The following ELFN1 variants were observed in gnomAD, a reference collection of about 807,000 sequenced individuals.
ELFN1 encodes protein ELFN1.
Under a neutral mutation model 7.6 loss-of-function variants are expected in ELFN1, and 6 were observed. The observed-to-expected ratio is 0.79, with a 90% CI of 0.43 to 1.56. The LOEUF (loss-of-function observed/expected upper bound fraction) is 1.56, where lower values mean the gene tolerates loss of function less well. Ranked by LOEUF, ELFN1 falls within the 40% of genes most tolerant of loss-of-function variation. The pLI, the probability that ELFN1 is intolerant of heterozygous loss-of-function variation, is 0.01. For missense variants in ELFN1, 1,169 were observed against 1,232.2 expected, an observed-to-expected ratio of 0.95 and a Z score of 0.77; for synonymous variants, 657 against 588.1, an observed-to-expected ratio of 1.12 and a Z score of -1.70.
chr7:1,683,517 G>C (rs1283610965), intron 1 of ELFN1, among the ~76,000 whole-genome samples: 1 of 152,132 alleles, frequency 6.6e-6, no homozygotes, highest in Non-Finnish European at 1.5e-5. Flanking sequence ...AACATTGTGT[G>C]GTCTTTTGGG....
At position 1,747,096 on chromosome 7, in the gene ELFN1, C is replaced by A; in HGVS notation, c.*13C>A. The A allele has an allele frequency of 2.7e-6, 4 of 1,459,648 alleles. No individual in the cohort carries two copies. Among genetic ancestry groups the A allele is most frequent in the Non-Finnish European group, 3.6e-6 (4 of 1,098,526 alleles). 90.4% of individuals were successfully genotyped at this position (1,459,648 alleles called of 1,614,324 possible). On this transcript the variant is annotated 3_prime_UTR_variant, in exon 4 of 4. Transcript: ENST00000424383. Reference sequence around the variant, plus strand: ...GCACAAGTCCTGAGCCCCCCAAGACCGGCGATGCCCACTGGACCAAAAAGG... The same window carrying A: ...GCACAAGTCCTGAGCCCCCCAAGACAGGCGATGCCCACTGGACCAAAAAGG...
At chr7:1,692,700 G>A (rs1366633210) in intron 2 of ELFN1, 1 of 153,330 alleles carries the variant, frequency 6.5e-6, no homozygotes, top group Admixed American at 6.5e-5. Flanking sequence ...GGAGATTTTT[G>A]AGGCCCTCCT....
At chr7:1,710,276 G>T (rs1779621923) in intron 3 of ELFN1, among the ~76,000 whole-genome samples, 1 of 152,188 alleles carries the variant, frequency 6.6e-6, no homozygotes, top group African/African-American at 2.4e-5. Context: ...TACATGGGGG[G>T]ACAGACAATC....
At chr7:1,743,154 C>T (rs1016503321) in intron 3 of ELFN1, among the ~76,000 whole-genome samples, 9 of 152,186 alleles carry the variant, frequency 5.9e-5, no homozygotes, top group Non-Finnish European at 8.8e-5. Flanking sequence ...CCTCCAGCCC[C>T]GTCTGCAGGG....
chr7:1,713,245 A>G (rs1298244356), intron 3 of ELFN1, among the ~76,000 whole-genome samples: 1 of 152,198 alleles, frequency 6.6e-6, no homozygotes. Flanking sequence ...GGTGGGAGAC[A>G]GTGCATAAAT....
chr7:1,709,681 G>A (rs765476786), intron 3 of ELFN1, among the ~76,000 whole-genome samples: 8 of 152,270 alleles, frequency 5.3e-5, no homozygotes, highest in East Asian at 1.9e-4. Flanking sequence ...CATAGGTCAC[G>A]TAGGTTAATA....
chr7:1,724,549 A>G (rs1562379130), intron 3 of ELFN1, among the ~76,000 whole-genome samples: 1 of 152,094 alleles, frequency 6.6e-6, no homozygotes, highest in African/African-American at 2.4e-5. Context: ...CAAACTCTCA[A>G]ATTTCGCCCA....
intron 1 of ELFN1, among the ~76,000 whole-genome samples, chr7:1,671,942 G>A (rs1308861244): frequency 1.3e-5 from 2 of 152,196 alleles, no homozygotes; most frequent in African/African-American, 2.4e-5. Flanking sequence ...GGCATACGGT[G>A]GTCAGGGAGT....
At chr7:1,666,361 C>T (rs1247863995), upstream of ELFN1, among the ~76,000 whole-genome samples, 1 of 151,958 alleles carries the variant, frequency 6.6e-6, no homozygotes, top group Non-Finnish European at 1.5e-5. The surrounding 1 kb of genome is among the most constrained non-coding windows in gnomAD (Gnocchi z 7.9). Flanking sequence ...GGTGCCCTGA[C>T]CTCGGCGTCC....
At chr7:1,675,924 C>T (rs1009677365) in intron 1 of ELFN1, among the ~76,000 whole-genome samples, 2 of 152,188 alleles carry the variant, frequency 1.3e-5, no homozygotes, top group African/African-American at 4.8e-5. Context: ...CACGGCCTCC[C>T]TAGAAGCCCA....
chr7:1,688,419 A>T (rs1779097601), intron 2 of ELFN1, among the ~76,000 whole-genome samples: 1 of 152,128 alleles, frequency 6.6e-6, no homozygotes, highest in Non-Finnish European at 1.5e-5. Context: ...AAGTTCTTGA[A>T]GATGCTCTTC....
At position 1,745,675 on chromosome 7, in the gene ELFN1, C is replaced by T; in HGVS notation, c.1079C>T (p.Thr360Ile). The change falls in exon 4 of 4, where the codon ACC (threonine) becomes ATC (isoleucine). Residue 360 changes from threonine (T) to isoleucine (I), a missense_variant. By Grantham distance (89) the Thr-to-Ile change is moderately conservative (BLOSUM62 -1). Around this residue, in one of 2 missense-constraint regions of ELFN1, gnomAD observed 914 missense variants for 872.6 expected, o/e 1.05. Transcript: ENST00000424383. ...NSKASTVSRL[T>I]KAQEEIRLTN... ...AAGGCCTCCACCGTGTCCAGGCTGA[C>T]CAAGGCCCAGGAGGAGATCCGTCTG... The T allele has an allele frequency of 6.4e-7, 1 of 1,551,448 alleles. No individual in the cohort carries two copies. Among genetic ancestry groups the T allele is most frequent in the Non-Finnish European group, 8.7e-7 (1 of 1,147,014 alleles).
At chr7:1,725,434 G>A (rs1780162205) in intron 3 of ELFN1, among the ~76,000 whole-genome samples, 1 of 151,916 alleles carries the variant, frequency 6.6e-6, no homozygotes. Flanking sequence ...CCTTAGAGAG[G>A]CGGGAGCGAG....
intron 3 of ELFN1, among the ~76,000 whole-genome samples, chr7:1,712,367 G>C (rs978375343): frequency 6.6e-6 from 1 of 151,244 alleles, no homozygotes; most frequent in African/African-American, 2.4e-5. Flanking sequence ...TGATCTGCCC[G>C]CCTCGGCCTC....
upstream of ELFN1, among the ~76,000 whole-genome samples, chr7:1,667,944 C>T (rs895493822): frequency 8.2e-5 from 10 of 122,662 alleles, no homozygotes; most frequent in African/African-American, 2.5e-4. The surrounding 1 kb of genome is among the most constrained non-coding windows in gnomAD (Gnocchi z 8.2). Context: ...CGCAGCCGGA[C>T]GGCGCAGCCT....
At chr7:1,700,726 G>T (rs181298094) in intron 2 of ELFN1, among the ~76,000 whole-genome samples, 2 of 152,204 alleles carry the variant, frequency 1.3e-5, no homozygotes, top group Non-Finnish European at 2.9e-5. Context: ...TCAGGACAGC[G>T]GACGAGAGTT....
At chr7:1,710,595 A>G (rs1779628428) in intron 3 of ELFN1, among the ~76,000 whole-genome samples, 1 of 152,242 alleles carries the variant, frequency 6.6e-6, no homozygotes, top group Non-Finnish European at 1.5e-5. Flanking sequence ...GTCTCATGTT[A>G]CAGGTGGGGA....
At chr7:1,712,209 A>T (rs1779677282) in intron 3 of ELFN1, among the ~76,000 whole-genome samples, 1 of 152,086 alleles carries the variant, frequency 6.6e-6, no homozygotes, top group Admixed American at 6.5e-5. Flanking sequence ...TTTGAGAAGG[A>T]GTCTCGCTCT....
intron 1 of ELFN1, among the ~76,000 whole-genome samples, chr7:1,674,337 T>C (rs909413193): frequency 2.0e-5 from 3 of 152,118 alleles, no homozygotes; most frequent in Non-Finnish European, 2.9e-5. Flanking sequence ...TGTTCTGTGG[T>C]GGGAGACCCT....
Sources: allele counts gnomAD v4.1 joint callset (sites outside exome capture counted in the v4.1 genomes callset), GRCh38; gene constraint gnomAD v4.1.1; regional missense constraint gnomAD v4.1.1; non-coding constraint Gnocchi (gnomAD v3.1); transcripts MANE v1.5; gene names NCBI Gene and HGNC (gene_info 2026-07-23, HGNC 2026-07-21).